ZFHX3: variants seen among roughly 807,000 people sequenced by gnomAD.
ZFHX3 encodes the protein zinc finger homeobox 3.
ZFHX3 carries 42 observed loss-of-function variants against 279.1 expected under a neutral mutation model. The ratio of observed to expected loss-of-function variants is 0.15; its 90% confidence interval spans 0.12 to 0.19. The LOEUF (loss-of-function observed/expected upper bound fraction) is 0.19, where lower values mean the gene tolerates loss of function less well. Ranked by LOEUF, ZFHX3 falls within the 10% of genes least tolerant of loss-of-function variation. ZFHX3 has a pLI of 1.00. For synonymous variants in ZFHX3, 2,293 were observed against 1,957.8 expected, an observed-to-expected ratio of 1.17 and a Z score of -4.52; for missense variants, 4,981 against 4,754.0, an observed-to-expected ratio of 1.05 and a Z score of -1.40.
At chr16:72,851,096 A>AT (rs1188539504) in intron 4 of ZFHX3, among the ~76,000 whole-genome samples, 1 of 152,034 alleles carries the variant, frequency 6.6e-6, no homozygotes, top group Admixed American at 6.5e-5. Flanking sequence ...AGAAAGTGCC[A>AT]TTTTTTTCCA....
At chr16:73,817,844 G>C (rs758318299) in intron 1 of ZFHX3, among the ~76,000 whole-genome samples, 6 of 152,154 alleles carry the variant, frequency 3.9e-5, no homozygotes, top group Non-Finnish European at 7.3e-5. Flanking sequence ...TGAATTTATG[G>C]CAGGATAATG....
intron 5 of ZFHX3, among the ~76,000 whole-genome samples, chr16:73,208,360 T>C (rs908345791): frequency 2.0e-5 from 3 of 152,190 alleles, no homozygotes; most frequent in African/African-American, 7.2e-5. Flanking sequence ...GTACACAATA[T>C]ATCATGGGTG....
intron 5 of ZFHX3, among the ~76,000 whole-genome samples, chr16:73,185,249 A>G (rs1233786039): frequency 3.9e-5 from 6 of 152,170 alleles, no homozygotes; most frequent in Non-Finnish European, 1.5e-5. Flanking sequence ...AACACCTACT[A>G]TGTGCCGGGA....
At chr16:73,183,218 A>C (rs905148625) in intron 5 of ZFHX3, among the ~76,000 whole-genome samples, 6 of 152,296 alleles carry the variant, frequency 3.9e-5, no homozygotes, top group African/African-American at 1.4e-4. Flanking sequence ...CAAAACAAAA[A>C]AAATTACCTC....
chr16:73,608,613 T>C (rs2052214774), intron 2 of ZFHX3: 1 of 152,244 alleles, frequency 6.6e-6, no homozygotes, highest in Admixed American at 6.5e-5. Context: ...ACAACAATTT[T>C]TTTTCAGGAG....
chr16:73,219,945 G>A (rs2012353451), intron 5 of ZFHX3, among the ~76,000 whole-genome samples: 1 of 152,100 alleles, frequency 6.6e-6, no homozygotes, highest in African/African-American at 2.4e-5. Flanking sequence ...AATTAGCCAG[G>A]TGTGGTGACA....
intron 4 of ZFHX3, among the ~76,000 whole-genome samples, chr16:72,878,970 G>A (rs1854929836): frequency 6.6e-6 from 1 of 152,168 alleles, no homozygotes; most frequent in Admixed American, 6.5e-5. Context: ...GTCCGAGTTC[G>A]CCTCTGCTTT....
At chr16:73,877,204 G>GTT (rs944768182) in intron 1 of ZFHX3, among the ~76,000 whole-genome samples, 3 of 139,642 alleles carry the variant, frequency 2.1e-5, no homozygotes, top group Non-Finnish European at 4.7e-5. Flanking sequence ...GGTTAGGTCG[G>GTT]GGGGGGGTCC....
chr16:73,515,528 G>A (rs1054145593), intron 2 of ZFHX3, among the ~76,000 whole-genome samples: 4 of 150,406 alleles, frequency 2.7e-5, no homozygotes, highest in Admixed American at 2.0e-4. Context: ...GAAAGAAAGA[G>A]GGAGAGAGAG....
At chr16:72,965,656 A>G (rs1221208748) in intron 1 of ZFHX3, among the ~76,000 whole-genome samples, 2 of 152,210 alleles carry the variant, frequency 1.3e-5, no homozygotes, top group Admixed American at 6.5e-5. Flanking sequence ...CTCAAATAAA[A>G]AGCAATATAA....
At chr16:72,904,494 G>C (rs2039122883) in intron 3 of ZFHX3, among the ~76,000 whole-genome samples, 1 of 152,078 alleles carries the variant, frequency 6.6e-6, no homozygotes, top group Non-Finnish European at 1.5e-5. Context: ...TGGGTCTTCA[G>C]CTTGCCTTTC....
intron 5 of ZFHX3, among the ~76,000 whole-genome samples, chr16:72,828,148 G>C (rs543475034): frequency 6.6e-6 from 1 of 152,288 alleles, no homozygotes; most frequent in South Asian, 2.1e-4. Context: ...CATGATTTAA[G>C]AACAGTCATG....
intron 4 of ZFHX3, among the ~76,000 whole-genome samples, chr16:72,882,977 G>GGGGTGT (rs1371954934): frequency 9.2e-5 from 6 of 65,444 alleles, no homozygotes; most frequent in Admixed American, 1.8e-4. Context: ...ACCACTCTGG[G>GGGGTGT]GTGTGTGTGT....
intron 1 of ZFHX3, among the ~76,000 whole-genome samples, chr16:73,760,270 G>A (rs1289991081): frequency 1.3e-5 from 2 of 152,004 alleles, no homozygotes; most frequent in South Asian, 2.1e-4. Flanking sequence ...GATCAATAAC[G>A]AGTTCTGAAA....
chr16:73,753,718 T>A (rs566831769), intron 1 of ZFHX3, among the ~76,000 whole-genome samples: 86 of 152,286 alleles, frequency 5.6e-4, no homozygotes, highest in African/African-American at 1.7e-3. Context: ...TAAGCCCCAA[T>A]TTTAGGGATC....
At chr16:73,390,432 G>A (rs940352592) in intron 3 of ZFHX3, among the ~76,000 whole-genome samples, 2 of 152,234 alleles carry the variant, frequency 1.3e-5, no homozygotes, top group East Asian at 3.9e-4. Flanking sequence ...TCATCTCATC[G>A]GGTCCCAAGA....
chr16:73,729,578 C>T (rs1039198124), intron 1 of ZFHX3, among the ~76,000 whole-genome samples: 3 of 151,646 alleles, frequency 2.0e-5, no homozygotes, highest in African/African-American at 4.9e-5. Context: ...AAAACCTGGG[C>T]GATTTCCCAG....
At chr16:73,089,736 T>C (rs1028854193) in intron 8 of ZFHX3, among the ~76,000 whole-genome samples, 4 of 152,250 alleles carry the variant, frequency 2.6e-5, no homozygotes, top group Non-Finnish European at 4.4e-5. Context: ...CATGCTGCCC[T>C]GGGAGACTGA....
At chr16:73,187,866 C>T (rs1408796132) in intron 5 of ZFHX3, among the ~76,000 whole-genome samples, 2 of 150,370 alleles carry the variant, frequency 1.3e-5, no homozygotes, top group Non-Finnish European at 3.0e-5. Context: ...AAGTTTGGAA[C>T]TTTTTTTTTT....
Sources: gnomAD v4.1 joint callset for allele counts (sites outside exome capture counted in the v4.1 genomes callset) on GRCh38, gnomAD v4.1.1 for gene constraint, MANE v1.5 for transcripts, NCBI Gene and HGNC (gene_info 2026-07-23, HGNC 2026-07-21) for gene names.